SLC12A4: variants seen among roughly 807,000 people sequenced by gnomAD.
SLC12A4 encodes solute carrier family 12 member 4, also known as electroneutral potassium-chloride cotransporter 1.
A neutral mutation model predicts 119.2 loss-of-function variants in SLC12A4; 84 were observed. The ratio of observed to expected loss-of-function variants is 0.70; its 90% CI spans 0.59 to 0.85. SLC12A4 has a LOEUF of 0.85. Ranked by LOEUF, SLC12A4 falls within the 40% of genes least tolerant of loss-of-function variation. SLC12A4 has a pLI of 0.00. For synonymous variants in SLC12A4, 599 were observed against 604.6 expected (o/e 0.99, Z 0.14); for missense variants, 1,298 against 1,476.3 (o/e 0.88, Z 1.98).
rs1221265761 is a variant in SLC12A4 at position 67,947,350 on chromosome 16, G to A, written c.2053C>T (p.Pro685Ser). ...YALLRLEEGPPHTKNWRPQLL... is the reference protein window; with the variant it reads ...YALLRLEEGPSHTKNWRPQLL... ...ACTCACCGCCAGTTCTTGGTGTGAGGAGGCCCCTCCTCCAGCCGCAACAGC... is the reference window on the plus strand; with the variant it reads ...ACTCACCGCCAGTTCTTGGTGTGAGAAGGCCCCTCCTCCAGCCGCAACAGC... The change falls in exon 16 of 24, where the codon CCT (proline) becomes TCT (serine). Residue 685 changes from proline to serine, a missense_variant. Physicochemically the swap from Pro to Ser is moderately conservative, Grantham distance 74. Transcript: ENST00000316341. 3.7e-6 allele frequency: 6 copies of A among 1,612,132 alleles called. No individual in the cohort carries two copies. The highest frequency in any genetic ancestry group is 1.3e-5 in the African/African-American group (1 of 74,918).
chr16:67,947,500 C>T (rs955721132), intron 15 of SLC12A4, 65 bp from the exon 16 acceptor site: 29 of 1,540,324 alleles, frequency 1.9e-5, no homozygotes, highest in African/African-American at 1.1e-4. Context: ...TATGTGGATG[C>T]GAGGTGGAGG....
chr16:67,951,032 C>A lies in SLC12A4; in HGVS notation c.1326G>T (p.Gly442=). Residue 442 remains glycine (G), a synonymous_variant, in exon 10 of 24, where the codon GGG becomes GGT. Transcript: ENST00000316341. The surrounding 1 kb of genome is among the most constrained non-coding windows in gnomAD (Gnocchi z 5.2). ...TAGACTTCTGGGCGTCACGAAGGTC[C>A]CCAGAGCGGTTTGAGCCAGCCATGA... ...TGIMAGSNRS[G]DLRDAQKSIP... The A allele has an allele frequency of 6.2e-7, 1 of 1,613,904 alleles. No homozygotes were observed. The highest frequency in any genetic ancestry group is 8.5e-7 in the Non-Finnish European group (1 of 1,180,014).
Position 67,951,677 on chromosome 16 carries a change from G to A in SLC12A4, c.1132+146C>T, listed in dbSNP as rs2029913305. On this transcript the variant is annotated intron_variant, in intron 8 of 23. Transcript: ENST00000316341. The surrounding 1 kb of genome is among the most constrained non-coding windows in gnomAD (Gnocchi z 5.2). ...CACTCACTCCAAACTCGGCTGCCAG[G>A]AGCCAGGCTGGGAGGACACTGGGGG... 3 of 749,212 alleles carry A rather than the reference G, an allele frequency of 4.0e-6. No homozygotes were observed. The highest frequency in any genetic ancestry group is 3.5e-5 in the African/African-American group (2 of 57,044). The allele number at this position is 749,212 out of a possible 1,614,324, so 46.4% of individuals were successfully genotyped here.
Position 67,950,615 on chromosome 16 carries a change from G to A in SLC12A4, c.1454+39C>T, listed in dbSNP as rs368030531. 13 of 1,608,696 alleles carry A rather than the reference G, an allele frequency of 8.1e-6. No homozygotes were observed. The African/African-American group carries it at 1.7e-4, about 22-fold the overall frequency. ...GGAGCTGGTGTGAGGGCAGGCCAAA[G>A]CCCAGCCGCTGCTAAAGAGGGGGGC... On this transcript the variant is annotated intron_variant, in intron 11 of 23. Coordinates refer to ENST00000316341, the MANE Select transcript of SLC12A4 (RefSeq NM_005072.5). This position sits in a 1 kb window ranked among gnomAD's most constrained non-coding sequence, Gnocchi z 4.3.
intron 1 of SLC12A4, chr16:67,966,770 C>G: frequency 6.4e-7 from 1 of 1,551,502 alleles, no homozygotes; most frequent in Non-Finnish European, 8.7e-7. Context: ...CAGGGTGTCC[C>G]CCATCCTGTA....
intron 14 of SLC12A4, 91 bp from the exon 15 acceptor site, chr16:67,947,879 G>GGGTGGGAGGTCCCA: frequency 6.6e-7 from 1 of 1,520,206 alleles, no homozygotes; most frequent in Non-Finnish European, 8.9e-7. Context: ...GTCAGGTCCC[G>GGGTGGGAGGTCCCA]GGTGGGAGGT....
chr16:67,946,474 G>T lies in SLC12A4; in HGVS notation c.2401C>A (p.Gln801Lys). ...TTCCAGGCACGGGGGTCCTCGCTCT[G>T]TCGCCAGCCGTAGGGCCAGCCCAGC... ...VVLGWPYGWRQSEDPRAWKTF... is the reference protein window; with the variant it reads ...VVLGWPYGWRKSEDPRAWKTF... The change falls in exon 18 of 24, where the codon CAG becomes AAG. Residue 801 changes from glutamine (Q) to lysine (K), a missense_variant. Transcript: ENST00000316341. 1 of 1,607,342 alleles carries T rather than the reference G, an allele frequency of 6.2e-7. No homozygotes were observed.
upstream of SLC12A4, chr16:67,968,646 C>G: frequency 7.8e-7 from 1 of 1,284,350 alleles, no homozygotes; most frequent in Non-Finnish European, 9.8e-7. Flanking sequence ...ACGCCCCGCC[C>G]GCTCGCATTC....
In SLC12A4 at chr16:67,949,204, C is replaced by T. The variant is rs768092937; in HGVS notation, c.1748+596G>A. 2.6e-5 allele frequency among the ~76,000 whole-genome samples: 4 copies of T among 152,154 alleles called. No individual in the cohort carries two copies. Among genetic ancestry groups the T allele is most frequent in the Non-Finnish European group, 5.9e-5 (4 of 68,020 alleles). On this transcript the variant is annotated intron_variant, in intron 13 of 23. Transcript: ENST00000316341. This position sits in a 1 kb window ranked among gnomAD's most constrained non-coding sequence, Gnocchi z 4.6. ...GTGGCTCACGCCTGTAATCCCAGCA[C>T]TTTGGGAGGCCGAGCCAGGTGGATC...
intron 14 of SLC12A4, 77 bp downstream of exon 14, chr16:67,947,984 A>G (rs1295798438): frequency 2.0e-6 from 3 of 1,522,808 alleles, no homozygotes; most frequent in Non-Finnish European, 2.7e-6. Flanking sequence ...AGAGCTCCCT[A>G]CCCAGGAAAC....
At chr16:67,954,379 T>TGG (rs2030124950) in intron 6 of SLC12A4, among the ~76,000 whole-genome samples, 1 of 152,178 alleles carries the variant, frequency 6.6e-6, no homozygotes, top group Admixed American at 6.5e-5. Context: ...ACCCTTGCCA[T>TGG]GGCTGCAATG....
Position 67,957,743 on chromosome 16 carries a change from T to C in SLC12A4, c.543A>G (p.Pro181=). ...MSAIATNGVV[P]AGGSYFMISR... is the part of the protein sequence containing the mutation. ...AGGCCTTGGGTGGCGCTCACTGACC[T>C]GGAACCACACCGTTGGTGGCGATGG... Residue 181 remains proline, a splice_region_variant and synonymous_variant, in exon 5 of 24, where the codon CCA becomes CCG. Transcript: ENST00000316341. 2 of 1,613,232 alleles carry C rather than the reference T, an allele frequency of 1.2e-6. No homozygotes were observed. Among genetic ancestry groups the C allele is most frequent in the Non-Finnish European group, 1.7e-6 (2 of 1,180,010 alleles).
chr16:67,947,924 C>G, intron 14 of SLC12A4, 136 bp from the exon 15 acceptor site: 5 of 1,468,304 alleles, frequency 3.4e-6, no homozygotes, highest in Non-Finnish European at 3.8e-6. Context: ...GGTGTAAGAC[C>G]TAGGTCCAGT....
Position 67,951,874 on chromosome 16 carries a change from T to G in SLC12A4, c.1081A>C (p.Asn361His). The change falls in exon 8 of 24, where the codon AAT becomes CAT. Residue 361 changes from asparagine (N) to histidine (H), a missense_variant. Physicochemically the swap from Asn to His is moderately conservative, Grantham distance 68. Coordinates refer to ENST00000316341, the MANE Select transcript of SLC12A4 (RefSeq NM_005072.5). This position sits in a 1 kb window ranked among gnomAD's most constrained non-coding sequence, Gnocchi z 5.2. ...DSCDPYFMLN[N>H]VTEIPGIPGA... ...GGGATGCCAGGGATCTCGGTCACAT[T>G]GTTGAGCATGAAGTAGGGGTCACAG... The G allele has an allele frequency of 6.2e-7, 1 of 1,613,670 alleles. No individual in the cohort carries two copies. The highest frequency in any genetic ancestry group is 2.2e-5 in the East Asian group (1 of 44,882).
Position 67,944,440 on chromosome 16 carries a change from C to T in SLC12A4, c.*400G>A, listed in dbSNP as rs2058317852. On this transcript the variant is annotated 3_prime_UTR_variant, in exon 24 of 24. Transcript: ENST00000316341. This position sits in a 1 kb window ranked among gnomAD's most constrained non-coding sequence, Gnocchi z 6.6. ...TAGTAGACTGAGCCAGATCTTCCTG[C>T]AGGCAGCTGGGCTGGACTCCCTCCC... 8.0e-7 allele frequency: 1 copy of T among 1,256,940 alleles called. No individual in the cohort carries two copies. The highest frequency in any genetic ancestry group is 1.5e-5 in the African/African-American group (1 of 66,292). 77.9% of individuals were successfully genotyped at this position (1,256,940 alleles called of 1,614,324 possible). A position where few individuals can be genotyped will look rare whatever the true frequency, so the allele number is the denominator to read the frequency against.
At position 67,944,765 on chromosome 16, in the gene SLC12A4, A is replaced by G. The variant is rs1304453577; in HGVS notation, c.*75T>C. On this transcript the variant is annotated 3_prime_UTR_variant, in exon 24 of 24. Transcript: ENST00000316341. This position sits in a 1 kb window ranked among gnomAD's most constrained non-coding sequence, Gnocchi z 6.6. Reference sequence around the variant, plus strand: ...GGGCTGGCAGGTGGGTGCTGGGAAGAGGCTGTTACCCCAGACCACAGCTTG... The same window carrying G: ...GGGCTGGCAGGTGGGTGCTGGGAAGGGGCTGTTACCCCAGACCACAGCTTG... 3.2e-6 allele frequency: 5 copies of G among 1,561,286 alleles called. No homozygotes were observed. The highest frequency in any genetic ancestry group is 4.3e-6 in the Non-Finnish European group (5 of 1,155,398).
At chr16:67,962,032 T>C (rs1323852514) in intron 2 of SLC12A4, among the ~76,000 whole-genome samples, 1 of 152,088 alleles carries the variant, frequency 6.6e-6, no homozygotes. Context: ...ATGGCATACT[T>C]CATCCTGCCT....
rs368184541 is a variant in SLC12A4, at chr16:67,951,323, C to A, written c.1133-19G>T. On this transcript the variant is annotated intron_variant, in intron 8 of 23. Coordinates refer to ENST00000316341, the MANE Select transcript of SLC12A4 (RefSeq NM_005072.5). The surrounding 1 kb of genome is among the most constrained non-coding windows in gnomAD (Gnocchi z 5.2). ...AGGTTTTCTGCAGGGGTAGCTGTGT[C>A]ACCACCACAGCTGCCCCCCACTACC... 1 of 1,605,470 alleles carries A rather than the reference C, an allele frequency of 6.2e-7. No homozygotes were observed. The highest frequency in any genetic ancestry group is 1.1e-5 in the South Asian group (1 of 90,390).
chr16:67,946,241 A>G lies in SLC12A4; in HGVS notation c.2537T>C (p.Ile846Thr), dbSNP rs754533628. The change falls in exon 19 of 24, where the codon ATA becomes ACA. Residue 846 changes from isoleucine to threonine, a missense_variant. Transcript: ENST00000316341. ...ATCGTGCACGATCCACCACACGTCT[A>G]TGTGGCCCTCCAGGTAGCGCTCGTG... Reference protein sequence around the residue: ...SNHERYLEGHIDVWWIVHDGG... With the variant: ...SNHERYLEGHTDVWWIVHDGG... 2.5e-5 allele frequency: 41 copies of G among 1,613,754 alleles called. No homozygotes were observed. The highest frequency in any genetic ancestry group is 4.5e-5 in the East Asian group (2 of 44,890).
Sources: gnomAD v4.1 joint callset for allele counts (sites outside exome capture counted in the v4.1 genomes callset) on GRCh38, gnomAD v4.1.1 for gene constraint, Gnocchi (gnomAD v3.1) non-coding constraint, MANE v1.5 for transcripts, NCBI Gene and HGNC (gene_info 2026-07-23, HGNC 2026-07-21) for gene names.